DTWD2: variants seen among roughly 807,000 people sequenced by gnomAD.
DTWD2 encodes DTW motif tRNA-uridine aminocarboxypropyltransferase 2, also known as tRNA-uridine aminocarboxypropyltransferase 2.
In DTWD2, 39 loss-of-function variants were observed where a neutral mutation model predicts 31.8. The observed-to-expected ratio is 1.22, with a 90% CI of 0.95 to 1.60. The LOEUF is 1.60. DTWD2 is among the 40% of genes most tolerant of loss of function. The pLI is 0.00. For missense variants in DTWD2, 515 were observed against 381.5 expected (o/e 1.35, Z -2.92); for synonymous variants, 180 against 142.8 (o/e 1.26, Z -1.86).
rs1751673808 is a variant in DTWD2 at position 118,840,022 on chromosome 5, T to G, written c.*895A>C. The G allele has an allele frequency of 6.6e-6, 1 of 152,216 alleles. No individual in the cohort carries two copies. The highest frequency in any genetic ancestry group is 6.5e-5 in the Admixed American group (1 of 15,278). The allele number at this position is 152,216 out of a possible 1,614,324, so 9.4% of individuals were successfully genotyped here. On this transcript the variant is annotated 3_prime_UTR_variant, in exon 6 of 6. Coordinates refer to ENST00000510708, the MANE Select transcript of DTWD2 (RefSeq NM_173666.4). The stretch of plus-strand genomic sequence containing the variant: ...AATTGCAGTAGACTTGTGCTGAATA[T>G]ACATATATGTTACATACATGTCTCT...
rs565169855 is a variant in DTWD2 at position 118,946,175 on chromosome 5, T to G, written c.219-1526A>C. Among the ~76,000 whole-genome samples the G allele has an allele frequency of 1.5e-4, 23 of 152,300 alleles. 1 individual carries two copies. Among genetic ancestry groups the G allele is most frequent in the African/African-American group, 5.5e-4 (23 of 41,560 alleles). ...ATTATACATGACTCCACCTCCTCTT[T>G]CCAACCCCACTGAACCTGGAATGTA... On this transcript the variant is annotated intron_variant, in intron 1 of 5. Coordinates refer to ENST00000510708, the MANE Select transcript of DTWD2 (RefSeq NM_173666.4).
At chr5:118,916,862 A>G (rs1371826018) in intron 4 of DTWD2, among the ~76,000 whole-genome samples, 1 of 152,108 alleles carries the variant, frequency 6.6e-6, no homozygotes, top group Non-Finnish European at 1.5e-5. Context: ...TCTAGTGTCG[A>G]GAGTCTAATG....
intron 1 of DTWD2, among the ~76,000 whole-genome samples, chr5:118,963,976 G>A (rs1235138521): frequency 1.2e-4 from 19 of 152,102 alleles, no homozygotes; most frequent in Non-Finnish European, 8.8e-5. Flanking sequence ...TTGGGAGGCC[G>A]AGGCGTGTGG....
chr5:118,933,011 T>C (rs1260624669), intron 3 of DTWD2, among the ~76,000 whole-genome samples: 1 of 151,706 alleles, frequency 6.6e-6, no homozygotes, highest in African/African-American at 2.4e-5. Context: ...TCCAAAGTCA[T>C]TAAGAAAATA....
At chr5:118,882,710 C>A (rs941682803) in intron 4 of DTWD2, among the ~76,000 whole-genome samples, 9 of 152,244 alleles carry the variant, frequency 5.9e-5, no homozygotes, top group African/African-American at 2.2e-4. Context: ...ATGTTCTGAG[C>A]TGTACCTTAG....
chr5:118,921,374 G>T (rs543046811), intron 4 of DTWD2, among the ~76,000 whole-genome samples: 1 of 151,846 alleles, frequency 6.6e-6, no homozygotes, highest in Non-Finnish European at 1.5e-5. Context: ...AATTAGTCAG[G>T]TGTGGTGGTA....
At chr5:118,956,953 C>T (rs1489119007) in intron 1 of DTWD2, among the ~76,000 whole-genome samples, 4 of 147,034 alleles carry the variant, frequency 2.7e-5, no homozygotes, top group Admixed American at 6.7e-5. Context: ...TTTAAAGAAA[C>T]TAACGTGATC....
chr5:118,862,160 T>C (rs1752275317), intron 4 of DTWD2, among the ~76,000 whole-genome samples: 1 of 152,234 alleles, frequency 6.6e-6, no homozygotes, highest in Admixed American at 6.5e-5. Context: ...ACATTCCTTA[T>C]GAGGATCTAA....
intron 1 of DTWD2, among the ~76,000 whole-genome samples, chr5:118,966,636 AATG>A (rs1754856708): frequency 6.6e-6 from 1 of 152,212 alleles, no homozygotes; most frequent in Non-Finnish European, 1.5e-5. Flanking sequence ...AGTTGATAGG[AATG>A]ATACCTAAGT....
At position 118,934,331 on chromosome 5, in the gene DTWD2, T is replaced by C. The variant is rs577980702; in HGVS notation, c.404+4865A>G. Among the ~76,000 whole-genome samples, 8 of 128,508 alleles carry C rather than the reference T, an allele frequency of 6.2e-5. No homozygotes were observed. The East Asian group carries it at 9.3e-4, about 15-fold the overall frequency. 84.3% of individuals were successfully genotyped at this position (128,508 alleles called of 152,430 possible). A position where few individuals can be genotyped will look rare whatever the true frequency, so the allele number is the denominator to read the frequency against. Reference sequence around the variant, plus strand: ...AGAATATCTAAATAACTGCTTTAGATTTACAGAATTATTGCAAAAATAGTA... The same window carrying C: ...AGAATATCTAAATAACTGCTTTAGACTTACAGAATTATTGCAAAAATAGTA... On this transcript the variant is annotated intron_variant, in intron 3 of 5. Transcript: ENST00000510708.
At chr5:118,869,134 T>C (rs1429120126) in intron 4 of DTWD2, among the ~76,000 whole-genome samples, 2 of 151,904 alleles carry the variant, frequency 1.3e-5, no homozygotes, top group Non-Finnish European at 2.9e-5. Flanking sequence ...GTGGTGGTGG[T>C]GGTGGTGGTT....
intron 4 of DTWD2, among the ~76,000 whole-genome samples, chr5:118,917,674 G>A (rs1319143618): frequency 6.6e-6 from 1 of 152,152 alleles, no homozygotes; most frequent in Non-Finnish European, 1.5e-5. Context: ...AAAACCCCTT[G>A]TAAAATCATC....
intron 4 of DTWD2, among the ~76,000 whole-genome samples, chr5:118,919,349 G>A (rs759418644): frequency 5.3e-5 from 8 of 152,140 alleles, no homozygotes; most frequent in Non-Finnish European, 1.0e-4. Flanking sequence ...AGAAGAAAAC[G>A]GTCTCTAGGT....
intron 4 of DTWD2, among the ~76,000 whole-genome samples, chr5:118,893,168 A>G (rs57503789): frequency 0.087 from 13,260 of 152,084 alleles, 651 homozygotes; most frequent in Middle Eastern, 0.16. Flanking sequence ...TAAGATCAGG[A>G]GTTCGAGACT....
chr5:118,974,562 A>T (rs3954022), intron 1 of DTWD2: 1 of 498,874 alleles, frequency 2.0e-6, no homozygotes, highest in Non-Finnish European at 4.0e-6. Flanking sequence ...TTGTAAAAAA[A>T]GCAAAAATGA....
chr5:118,878,216 C>G (rs1752664410), intron 4 of DTWD2, among the ~76,000 whole-genome samples: 1 of 152,100 alleles, frequency 6.6e-6, no homozygotes, highest in East Asian at 1.9e-4. Context: ...CAATCCTAAG[C>G]AAAAAGGACA....
chr5:118,949,615 A>G (rs1368256986), intron 1 of DTWD2, among the ~76,000 whole-genome samples: 1 of 152,140 alleles, frequency 6.6e-6, no homozygotes. Flanking sequence ...TAACCTTTTA[A>G]AGCATGCGGT....
At chr5:118,938,844 A>G (rs1754111693) in intron 3 of DTWD2, among the ~76,000 whole-genome samples, 1 of 146,736 alleles carries the variant, frequency 6.8e-6, no homozygotes. Flanking sequence ...AAGATATTTA[A>G]GAAAAAAAAA....
intron 4 of DTWD2, among the ~76,000 whole-genome samples, chr5:118,864,397 G>C (rs746620892): frequency 6.6e-6 from 1 of 151,364 alleles, no homozygotes; most frequent in African/African-American, 2.4e-5. Flanking sequence ...GGGGGAAGGA[G>C]GGAGGGTTAG....
Sources: gnomAD v4.1 joint callset for allele counts (sites outside exome capture counted in the v4.1 genomes callset) on GRCh38, gnomAD v4.1.1 for gene constraint, MANE v1.5 for transcripts, NCBI Gene and HGNC (gene_info 2026-07-23, HGNC 2026-07-21) for gene names.